Variants in STXBP5L observed in about 807,000 individuals in gnomAD.
The protein encoded by STXBP5L is syntaxin-binding protein 5-like.
In STXBP5L, 65 loss-of-function variants were observed where a neutral mutation model predicts 144.5. That is an observed-to-expected ratio of 0.45 (90% CI 0.37 to 0.55). STXBP5L has a LOEUF of 0.55. Among genes scored for constraint, STXBP5L ranks in the 20% least tolerant of loss-of-function variants. The probability of loss-of-function intolerance (pLI) is 0.00; values close to 1 mark genes in which losing one functional copy is unlikely to be tolerated. For synonymous variants in STXBP5L, 505 were observed against 469.6 expected (o/e 1.08, Z -0.97); for missense variants, 1,298 against 1,405.5 (o/e 0.92, Z 1.22).
chr3:121,163,864 A>G (rs1188909514), intron 9 of STXBP5L, among the ~76,000 whole-genome samples: 1 of 152,154 alleles, frequency 6.6e-6, no homozygotes, highest in Non-Finnish European at 1.5e-5. Context: ...AGAAACTCTG[A>G]GAGATAAGTG....
chr3:120,970,571 T>C (rs184934255), intron 3 of STXBP5L, among the ~76,000 whole-genome samples: 115 of 152,218 alleles, frequency 7.6e-4, no homozygotes, highest in Non-Finnish European at 1.3e-3. Context: ...TTCAATATGA[T>C]GTTTCTTTTC....
At chr3:121,092,203 A>C (rs958845216) in intron 5 of STXBP5L, among the ~76,000 whole-genome samples, 4 of 151,926 alleles carry the variant, frequency 2.6e-5, no homozygotes, top group African/African-American at 7.3e-5. Flanking sequence ...GTCAGGTAGC[A>C]TGATGCCTCC....
intron 19 of STXBP5L, among the ~76,000 whole-genome samples, chr3:121,294,572 GA>G (rs1464951420): frequency 1.3e-5 from 2 of 152,084 alleles, no homozygotes; most frequent in East Asian, 3.9e-4. Flanking sequence ...GGGAATAAAT[GA>G]AATTACCTAG....
chr3:120,910,505 T>A (rs917222521), intron 2 of STXBP5L, among the ~76,000 whole-genome samples: 2 of 152,204 alleles, frequency 1.3e-5, no homozygotes, highest in Non-Finnish European at 2.9e-5. Flanking sequence ...ATAAAGTGAT[T>A]TATAATTTTA....
chr3:121,207,001 G>C (rs894569661), intron 10 of STXBP5L, among the ~76,000 whole-genome samples: 4 of 151,604 alleles, frequency 2.6e-5, no homozygotes, highest in African/African-American at 9.7e-5. Context: ...ATGTTTTCTT[G>C]GTATCATAGG....
chr3:120,928,639 AGTGTGTGTGTGTGTGTGTGT>A (rs71133519), intron 2 of STXBP5L, among the ~76,000 whole-genome samples: 4 of 147,262 alleles, frequency 2.7e-5, no homozygotes, highest in African/African-American at 7.5e-5. Flanking sequence ...TGGTATACAG[AGTGTGTGTGTGTGTGTGTGT>A]GTGTGTGTGT....
chr3:121,033,584 AAAC>A (rs1312494899), intron 3 of STXBP5L, among the ~76,000 whole-genome samples: 2 of 150,792 alleles, frequency 1.3e-5, no homozygotes, highest in African/African-American at 4.9e-5. Context: ...AAAAAAAAAA[AAAC>A]ATTAAAAAAT....
intron 20 of STXBP5L, among the ~76,000 whole-genome samples, chr3:121,371,351 T>C (rs1279009694): frequency 1.3e-5 from 2 of 152,194 alleles, no homozygotes; most frequent in African/African-American, 2.4e-5. Flanking sequence ...TTGCCTTTGA[T>C]CTCCAGCTCC....
At chr3:120,956,237 A>G (rs1212484799) in intron 3 of STXBP5L, among the ~76,000 whole-genome samples, 2 of 152,022 alleles carry the variant, frequency 1.3e-5, no homozygotes, top group East Asian at 3.9e-4. Context: ...TATTAAATAC[A>G]TTTATATTAT....
chr3:121,065,695 G>C (rs1347150185), intron 5 of STXBP5L, among the ~76,000 whole-genome samples: 1 of 152,134 alleles, frequency 6.6e-6, no homozygotes, highest in Non-Finnish European at 1.5e-5. Context: ...GGAACTACAG[G>C]CATGTGCCAC....
intron 9 of STXBP5L, among the ~76,000 whole-genome samples, chr3:121,183,854 T>C (rs1182342346): frequency 6.6e-6 from 1 of 151,974 alleles, no homozygotes; most frequent in Non-Finnish European, 1.5e-5. Flanking sequence ...AGATGAAGCT[T>C]CCACAGGAAG....
chr3:121,164,914 C>T (rs1248842584), intron 9 of STXBP5L, among the ~76,000 whole-genome samples: 2 of 152,036 alleles, frequency 1.3e-5, no homozygotes, highest in African/African-American at 4.8e-5. Flanking sequence ...AGATGTAGGT[C>T]AGAGGATACA....
intron 5 of STXBP5L, among the ~76,000 whole-genome samples, chr3:121,064,061 C>G (rs1312505682): frequency 6.6e-6 from 1 of 152,122 alleles, no homozygotes; most frequent in Non-Finnish European, 1.5e-5. Context: ...CCAGCTAGCT[C>G]GGTGTCTGCT....
chr3:120,935,535 C>T (rs1349072660), intron 2 of STXBP5L, among the ~76,000 whole-genome samples: 1 of 151,994 alleles, frequency 6.6e-6, no homozygotes, highest in Admixed American at 6.6e-5. Context: ...TTTCTTTTAG[C>T]ATTTCTTGCA....
intron 3 of STXBP5L, among the ~76,000 whole-genome samples, chr3:121,026,699 A>C (rs2107484564): frequency 6.6e-6 from 1 of 152,168 alleles, no homozygotes; most frequent in South Asian, 2.1e-4. Flanking sequence ...GAAATTTGAC[A>C]CTGAAAGAAT....
intron 10 of STXBP5L, among the ~76,000 whole-genome samples, chr3:121,209,585 C>T (rs4676715): frequency 0.51 from 76,982 of 151,608 alleles, 19,854 homozygotes; most frequent in East Asian, 0.73. Context: ...ATCCCCTCTC[C>T]CCCCACCCCA....
chr3:121,149,693 T>A (rs2045861617), intron 7 of STXBP5L, among the ~76,000 whole-genome samples: 1 of 151,914 alleles, frequency 6.6e-6, no homozygotes, highest in African/African-American at 2.4e-5. Context: ...AGAACCCATA[T>A]AAAATAGCAA....
At chr3:121,031,357 T>C (rs1046732207) in intron 3 of STXBP5L, among the ~76,000 whole-genome samples, 1 of 151,550 alleles carries the variant, frequency 6.6e-6, no homozygotes, top group Non-Finnish European at 1.5e-5. Flanking sequence ...AGGATGTATA[T>C]GTATATATCT....
chr3:121,112,149 T>A (rs569821282), intron 5 of STXBP5L, among the ~76,000 whole-genome samples: 3 of 152,002 alleles, frequency 2.0e-5, no homozygotes, highest in South Asian at 2.1e-4. Context: ...GACTCAGTCA[T>A]CTTAGGCAAC....
Sources: allele counts gnomAD v4.1 joint callset (sites outside exome capture counted in the v4.1 genomes callset), GRCh38; gene constraint gnomAD v4.1.1; transcripts MANE v1.5; gene names NCBI Gene and HGNC (gene_info 2026-07-23, HGNC 2026-07-21).